Variants in TLL2 observed in about 807,000 individuals in gnomAD.
TLL2 encodes the protein tolloid like 2.
TLL2 carries 106 observed loss-of-function variants against 123.0 expected under a neutral mutation model. That is an observed-to-expected ratio of 0.86 (90% CI 0.74 to 1.01). The LOEUF (loss-of-function observed/expected upper bound fraction) is 1.01, where lower values mean the gene tolerates loss of function less well. TLL2 is among the 50% of genes least tolerant of loss of function. The pLI is 0.00. For synonymous variants in TLL2, 494 were observed against 516.8 expected, an observed-to-expected ratio of 0.96 and a Z score of 0.60; for missense variants, 1,332 against 1,336.7, an observed-to-expected ratio of 1.00 and a Z score of 0.06.
chr10:96,400,354 C>T (rs1846380805), intron 10 of TLL2, among the ~76,000 whole-genome samples: 1 of 68,126 alleles, frequency 1.5e-5, no homozygotes, highest in South Asian at 7.6e-4. Context: ...CCACTACTAC[C>T]ATCAAAAAAA....
chr10:96,410,134 T>C, intron 9 of TLL2, among the ~76,000 whole-genome samples: 1 of 152,180 alleles, frequency 6.6e-6, no homozygotes, highest in East Asian at 1.9e-4. Flanking sequence ...TGAGCTTGAT[T>C]TATAACTCAG....
chr10:96,382,933 A>G (rs1018049269), intron 16 of TLL2, among the ~76,000 whole-genome samples: 2 of 152,194 alleles, frequency 1.3e-5, no homozygotes, highest in African/African-American at 2.4e-5. Flanking sequence ...AGAAAGTGGC[A>G]TTGTGGGTCT....
chr10:96,371,813 G>A (rs1470673922), intron 19 of TLL2, among the ~76,000 whole-genome samples: 5 of 152,188 alleles, frequency 3.3e-5, no homozygotes, highest in Admixed American at 2.0e-4. Flanking sequence ...TCAGAGGGAG[G>A]GAGGCGAGAG....
rs1225972857 is a variant in TLL2, at chr10:96,366,061, G to A, written c.*2027C>T. 1 of 152,184 alleles carries A rather than the reference G, an allele frequency of 6.6e-6. No individual in the cohort carries two copies. Among genetic ancestry groups the A allele is most frequent in the African/African-American group, 2.4e-5 (1 of 41,444 alleles). 9.4% of individuals were successfully genotyped at this position (152,184 alleles called of 1,614,324 possible). A position where few individuals can be genotyped will look rare whatever the true frequency, so the allele number is the denominator to read the frequency against. ...ACTGCAGAATTTTTATTTCCTTGGAGAAAGAACCATAACACCCATCTTAGG... is the reference window on the plus strand; with the variant it reads ...ACTGCAGAATTTTTATTTCCTTGGAAAAAGAACCATAACACCCATCTTAGG... On this transcript the variant is annotated 3_prime_UTR_variant, in exon 21 of 21. Transcript: ENST00000357947.
intron 1 of TLL2, among the ~76,000 whole-genome samples, chr10:96,487,279 T>C (rs1847366194): frequency 6.6e-6 from 1 of 152,182 alleles, no homozygotes; most frequent in Non-Finnish European, 1.5e-5. Context: ...GAGTGGTACC[T>C]CTCCAACCTC....
chr10:96,443,810 A>C (rs74151343), intron 3 of TLL2, among the ~76,000 whole-genome samples: 4,920 of 152,316 alleles, frequency 0.032, 246 homozygotes, highest in African/African-American at 0.11. Context: ...GGGAGCCCAA[A>C]AACTTATAAG....
chr10:96,402,106 T>C (rs936408790), intron 10 of TLL2, among the ~76,000 whole-genome samples: 1 of 152,214 alleles, frequency 6.6e-6, no homozygotes, highest in Non-Finnish European at 1.5e-5. Flanking sequence ...GGGTCTGTGA[T>C]CCGATGTTCT....
At chr10:96,380,247 A>G (rs1846173643) in intron 16 of TLL2, among the ~76,000 whole-genome samples, 1 of 152,168 alleles carries the variant, frequency 6.6e-6, no homozygotes, top group Admixed American at 6.5e-5. Flanking sequence ...TTGTTCCTGC[A>G]TTTACCAAAG....
intron 3 of TLL2, among the ~76,000 whole-genome samples, chr10:96,437,652 G>A (rs1360684590): frequency 6.6e-6 from 1 of 152,042 alleles, no homozygotes; most frequent in Non-Finnish European, 1.5e-5. Context: ...GAATCATACA[G>A]CATATAATAG....
chr10:96,480,726 T>TC (rs1235129401), intron 1 of TLL2, among the ~76,000 whole-genome samples: 2 of 152,234 alleles, frequency 1.3e-5, no homozygotes, highest in African/African-American at 4.8e-5. Context: ...ACCTGTCTTG[T>TC]CCTCGCTCTA....
chr10:96,399,164 C>A (rs1846369572), intron 10 of TLL2, among the ~76,000 whole-genome samples: 1 of 152,156 alleles, frequency 6.6e-6, no homozygotes, highest in Non-Finnish European at 1.5e-5. Context: ...AGCCACCGCG[C>A]CTGGCTGTGA....
intron 4 of TLL2, among the ~76,000 whole-genome samples, chr10:96,432,132 T>C (rs1039291946): frequency 7.9e-5 from 12 of 152,200 alleles, no homozygotes; most frequent in Admixed American, 7.2e-4. Context: ...GATTCACATA[T>C]TTTAAAGATA....
chr10:96,476,240 A>ATATATATATATATAATTTTTTTTTT, intron 2 of TLL2, among the ~76,000 whole-genome samples: 1 of 20,502 alleles, frequency 4.9e-5, no homozygotes, highest in Non-Finnish European at 1.0e-4. Context: ...ATATATATAT[A>ATATATATATATATAATTTTTTTTTT]TTTTATTTTT....
At chr10:96,476,941 G>T (rs925762992) in intron 2 of TLL2, among the ~76,000 whole-genome samples, 3 of 148,752 alleles carry the variant, frequency 2.0e-5, no homozygotes, top group Non-Finnish European at 1.5e-5. Flanking sequence ...AGTCTGGAAA[G>T]AATCCAGCAA....
At chr10:96,456,400 G>C (rs2134091944) in intron 2 of TLL2, among the ~76,000 whole-genome samples, 1 of 152,280 alleles carries the variant, frequency 6.6e-6, no homozygotes, top group African/African-American at 2.4e-5. Context: ...TGAGGAAGAG[G>C]AGAAGAGAGG....
intron 2 of TLL2, 124 bp from the exon 3 acceptor site, chr10:96,446,292 C>T (rs1338725027): frequency 1.8e-5 from 16 of 874,036 alleles, no homozygotes; most frequent in Non-Finnish European, 2.5e-5. Context: ...TCGTAAGCTT[C>T]GTTCCACAAA....
At chr10:96,384,887 C>G in intron 15 of TLL2, 120 bp from the exon 16 acceptor site, 2 of 983,272 alleles carry the variant, frequency 2.0e-6, no homozygotes, top group Non-Finnish European at 2.8e-6. Context: ...GGGAGGGTCC[C>G]TTGACTCTTG....
At chr10:96,453,872 T>C (rs371198844) in intron 2 of TLL2, among the ~76,000 whole-genome samples, 10 of 152,264 alleles carry the variant, frequency 6.6e-5, no homozygotes, top group East Asian at 5.8e-4. Context: ...GACTCTGGGG[T>C]GAATTTTATT....
At chr10:96,503,301 G>A (rs1847551610) in intron 1 of TLL2, among the ~76,000 whole-genome samples, 1 of 152,128 alleles carries the variant, frequency 6.6e-6, no homozygotes, top group African/African-American at 2.4e-5. Flanking sequence ...ATAATAGCAA[G>A]CAGAAGAGCC....
Sources: gnomAD v4.1 joint callset for allele counts (sites outside exome capture counted in the v4.1 genomes callset) on GRCh38, gnomAD v4.1.1 for gene constraint, MANE v1.5 for transcripts, NCBI Gene and HGNC (gene_info 2026-07-23, HGNC 2026-07-21) for gene names.